The following EXOC4 variants were observed in gnomAD, a reference collection of about 807,000 sequenced individuals.
EXOC4 encodes the protein exocyst complex component 4.
A neutral mutation model predicts 107.2 loss-of-function variants in EXOC4; 71 were observed. The ratio of observed to expected loss-of-function variants is 0.66; its 90% CI spans 0.55 to 0.81. The LOEUF (loss-of-function observed/expected upper bound fraction) is 0.81. EXOC4 is among the 30% of genes least tolerant of loss of function. The pLI is 0.00. For synonymous variants in EXOC4, 456 were observed against 441.2 expected (o/e 1.03, Z -0.42); for missense variants, 1,108 against 1,189.6 (o/e 0.93, Z 1.01).
intron 10 of EXOC4, among the ~76,000 whole-genome samples, chr7:133,721,643 A>G (rs1016243423): frequency 5.7e-4 from 87 of 152,300 alleles, no homozygotes; most frequent in African/African-American, 2.0e-3. Context: ...CTAATAAATC[A>G]GGCGTCTCTT....
intron 5 of EXOC4, among the ~76,000 whole-genome samples, chr7:133,318,864 A>G (rs1795047504): frequency 6.6e-6 from 1 of 152,196 alleles, no homozygotes. Flanking sequence ...ATTTATTTTT[A>G]TTATGATACT....
At chr7:133,442,074 A>G (rs1396699382) in intron 7 of EXOC4, among the ~76,000 whole-genome samples, 6 of 152,330 alleles carry the variant, frequency 3.9e-5, no homozygotes, top group African/African-American at 1.4e-4. Context: ...GGCTTGCCAT[A>G]AACAATGGCA....
intron 14 of EXOC4, among the ~76,000 whole-genome samples, chr7:133,971,268 G>GT (rs202037685): frequency 7.8e-6 from 1 of 128,978 alleles, no homozygotes; most frequent in Admixed American, 9.6e-5. Flanking sequence ...AGAGTTGTTG[G>GT]TTTTTTAAAA....
chr7:133,640,663 T>C (rs1288325511), intron 10 of EXOC4, among the ~76,000 whole-genome samples: 1 of 152,190 alleles, frequency 6.6e-6, no homozygotes, highest in African/African-American at 2.4e-5. Flanking sequence ...GACTGTTTCC[T>C]ACAGCTTTGG....
rs375245669 is a variant in EXOC4, at chr7:133,895,586, T to G, written c.1735-13T>G. On this transcript the variant is annotated splice_polypyrimidine_tract_variant and intron_variant, in intron 11 of 17. Transcript: ENST00000253861. ...CAGAAATCTCATATCCTCTCTTTGT[T>G]GTTCATTTCCAGAGCACAATCATTG... 1 of 1,612,978 alleles carries G rather than the reference T, an allele frequency of 6.2e-7. No homozygotes were observed. Among genetic ancestry groups the G allele is most frequent in the African/African-American group, 1.3e-5 (1 of 74,880 alleles).
chr7:133,497,636 G>A (rs1478648821), intron 9 of EXOC4, among the ~76,000 whole-genome samples: 2 of 152,020 alleles, frequency 1.3e-5, no homozygotes, highest in African/African-American at 4.8e-5. Flanking sequence ...TCACCATGCT[G>A]GCCAGGCTGG....
intron 10 of EXOC4, among the ~76,000 whole-genome samples, chr7:133,785,179 A>G (rs1796543221): frequency 6.6e-6 from 1 of 152,180 alleles, no homozygotes; most frequent in Non-Finnish European, 1.5e-5. Flanking sequence ...TGCCCCTGCC[A>G]TTGGAATAAT....
intron 2 of EXOC4, among the ~76,000 whole-genome samples, chr7:133,286,101 C>G (rs1794271293): frequency 6.6e-6 from 1 of 152,084 alleles, no homozygotes; most frequent in Non-Finnish European, 1.5e-5. Context: ...AACTATTTTT[C>G]TCTACTCCAT....
the EXOC4 span, among the ~76,000 whole-genome samples, chr7:134,082,545 A>T: frequency 6.6e-6 from 1 of 152,134 alleles, no homozygotes; most frequent in African/African-American, 2.4e-5. Flanking sequence ...GGTTCAAGCA[A>T]TTCTCCTGCC....
chr7:134,033,263 A>C (rs201792195), intron 17 of EXOC4, among the ~76,000 whole-genome samples: 1 of 152,186 alleles, frequency 6.6e-6, no homozygotes, highest in East Asian at 1.9e-4. Flanking sequence ...TATATATCCT[A>C]CAGGACTATT....
In EXOC4 at chr7:133,620,019, T is replaced by TG. The variant is rs1563129412; in HGVS notation, c.1418-10026_1418-10025insG. Among the ~76,000 whole-genome samples, 10 of 151,834 alleles carry TG rather than the reference T, an allele frequency of 6.6e-5. No homozygotes were observed. The South Asian group carries it at 8.3e-4, about 13-fold the overall frequency. ...GTGTGTGTGTGTGTGTTTGTTTTTT[T>TG]TTGTTGTTGTTAGTTTGTTTTGAGA... On this transcript the variant is annotated intron_variant, in intron 9 of 17. Coordinates refer to ENST00000253861, the MANE Select transcript of EXOC4 (RefSeq NM_021807.4).
At chr7:133,356,605 ACT>A (rs753035201) in intron 6 of EXOC4, 32 bp downstream of exon 6, 2 of 1,609,210 alleles carry the variant, frequency 1.2e-6, no homozygotes, top group Admixed American at 1.7e-5. Context: ...ATTTTTGACA[ACT>A]CTATTTATTG....
intron 9 of EXOC4, among the ~76,000 whole-genome samples, chr7:133,530,368 C>A (rs1326067285): frequency 5.3e-5 from 8 of 152,202 alleles, no homozygotes; most frequent in African/African-American, 1.7e-4. Context: ...AGTGCACTTA[C>A]ACAAACCCAG....
intron 14 of EXOC4, among the ~76,000 whole-genome samples, chr7:133,960,700 T>C (rs1352025994): frequency 1.3e-5 from 2 of 152,198 alleles, no homozygotes; most frequent in African/African-American, 2.4e-5. Flanking sequence ...ATCTTTCTGA[T>C]ATGTTATTGG....
In EXOC4 at chr7:133,530,516, A is replaced by G. The variant is rs1164533833; in HGVS notation, c.1417+50378A>G. On this transcript the variant is annotated intron_variant, in intron 9 of 17. Transcript: ENST00000253861. ...TTGTGTATATAAACATAGAAAAGGCATAGTAAAAATACCATAGTATAATCC... is the reference window on the plus strand; with the variant it reads ...TTGTGTATATAAACATAGAAAAGGCGTAGTAAAAATACCATAGTATAATCC... Among the ~76,000 whole-genome samples the G allele has an allele frequency of 5.9e-5, 9 of 152,350 alleles. 1 individual carries two copies. The South Asian group carries it at 1.7e-3, about 28-fold the overall frequency.
At chr7:133,454,534 T>A (rs898341658) in intron 7 of EXOC4, among the ~76,000 whole-genome samples, 9 of 152,188 alleles carry the variant, frequency 5.9e-5, no homozygotes, top group Non-Finnish European at 8.8e-5. Flanking sequence ...TGGCCTCAAG[T>A]GATCTGCCCT....
chr7:133,655,720 C>G (rs1803275915), intron 10 of EXOC4, among the ~76,000 whole-genome samples: 1 of 152,192 alleles, frequency 6.6e-6, no homozygotes. Flanking sequence ...GAGCTGCCAT[C>G]TCCTAGGATA....
At chr7:133,739,863 T>A (rs916755002) in intron 10 of EXOC4, among the ~76,000 whole-genome samples, 6 of 152,182 alleles carry the variant, frequency 3.9e-5, no homozygotes, top group Non-Finnish European at 8.8e-5. Flanking sequence ...TTTTCCAACC[T>A]TCTCATAATA....
intron 11 of EXOC4, among the ~76,000 whole-genome samples, chr7:133,870,522 C>T (rs1014108750): frequency 5.9e-5 from 9 of 152,304 alleles, no homozygotes; most frequent in Admixed American, 2.0e-4. Flanking sequence ...TTTCATTAAA[C>T]TCTTGAGTTG....
Sources: gnomAD v4.1 joint callset for allele counts (sites outside exome capture counted in the v4.1 genomes callset) on GRCh38, gnomAD v4.1.1 for gene constraint, MANE v1.5 for transcripts, NCBI Gene and HGNC (gene_info 2026-07-23, HGNC 2026-07-21) for gene names.